Variants in MAGI2 observed in about 807,000 individuals in gnomAD.
MAGI2 encodes membrane associated guanylate kinase, WW and PDZ domain containing 2.
In MAGI2, 35 loss-of-function variants were observed where a neutral mutation model predicts 133.3. The ratio of observed to expected loss-of-function variants is 0.26; its 90% CI spans 0.20 to 0.35. MAGI2 has a LOEUF of 0.35. MAGI2 is among the 10% of genes least tolerant of loss of function. The pLI, the probability that MAGI2 is intolerant of heterozygous loss-of-function variation, is 1.00. For missense variants in MAGI2, 1,636 were observed against 1,863.4 expected (o/e 0.88, Z 2.25); for synonymous variants, 729 against 710.6 (o/e 1.03, Z -0.41).
chr7:78,882,447 A>T (rs1642892), intron 2 of MAGI2, among the ~76,000 whole-genome samples: 58 of 152,090 alleles, frequency 3.8e-4, no homozygotes, highest in African/African-American at 1.4e-3. Context: ...ACACAGAAAA[A>T]CTGGTACCAA....
chr7:79,011,452 G>A (rs1222828512), intron 1 of MAGI2, among the ~76,000 whole-genome samples: 1 of 152,124 alleles, frequency 6.6e-6, no homozygotes, highest in African/African-American at 2.4e-5. Context: ...TGTGCCAAGT[G>A]TCTGGTTGCT....
At chr7:78,965,938 A>G (rs1490094731) in intron 2 of MAGI2, among the ~76,000 whole-genome samples, 5 of 151,902 alleles carry the variant, frequency 3.3e-5, no homozygotes, top group African/African-American at 1.2e-4. Flanking sequence ...CTCATCCCTC[A>G]CCTTTGTTTT....
chr7:78,614,005 G>T (rs1301688619), intron 3 of MAGI2, among the ~76,000 whole-genome samples: 1 of 152,056 alleles, frequency 6.6e-6, no homozygotes, highest in African/African-American at 2.4e-5. Context: ...GGCTACATGG[G>T]AGCCTGAGGT....
At chr7:78,555,233 G>C (rs1306677104) in intron 3 of MAGI2, among the ~76,000 whole-genome samples, 2 of 151,876 alleles carry the variant, frequency 1.3e-5, no homozygotes, top group African/African-American at 4.8e-5. Flanking sequence ...CAGATAGATA[G>C]ATAGATAGAT....
intron 10 of MAGI2, among the ~76,000 whole-genome samples, chr7:78,214,238 A>T (rs1788050331): frequency 6.6e-6 from 1 of 152,194 alleles, no homozygotes; most frequent in African/African-American, 2.4e-5. Context: ...TCCTTTTTAA[A>T]TATTACATCT....
At chr7:78,123,155 C>T (rs928988458) in intron 20 of MAGI2, among the ~76,000 whole-genome samples, 3 of 152,104 alleles carry the variant, frequency 2.0e-5, no homozygotes, top group Admixed American at 6.6e-5. Context: ...TTATTTTCTG[C>T]ATTCACAGAT....
At chr7:78,353,661 A>C (rs1791754020) in intron 7 of MAGI2, among the ~76,000 whole-genome samples, 1 of 152,240 alleles carries the variant, frequency 6.6e-6, no homozygotes, top group South Asian at 2.1e-4. Context: ...AGAGACATGT[A>C]AACAGACTGT....
At chr7:78,168,158 CTT>C (rs113437537) in intron 14 of MAGI2, 50 bp from the exon 15 acceptor site, 8,537 of 1,245,322 alleles carry the variant, frequency 6.9e-3, no homozygotes, top group East Asian at 0.017. Context: ...ATCCTTTTTC[CTT>C]TTTTTTTTTT....
chr7:79,047,242 T>G (rs1584783704), intron 1 of MAGI2, among the ~76,000 whole-genome samples: 1 of 152,218 alleles, frequency 6.6e-6, no homozygotes, highest in East Asian at 1.9e-4. Context: ...ATCAAACCAT[T>G]AAAACATGAA....
At chr7:79,412,441 G>A (rs183943655) in intron 1 of MAGI2, 5 of 152,198 alleles carry the variant, frequency 3.3e-5, no homozygotes, top group African/African-American at 1.2e-4. Context: ...GAAATGTAGG[G>A]CTATATTTTG....
chr7:79,375,336 G>A (rs548668952), intron 1 of MAGI2, among the ~76,000 whole-genome samples: 53 of 152,056 alleles, frequency 3.5e-4, no homozygotes, highest in South Asian at 2.1e-3. Flanking sequence ...GGAGTTCATT[G>A]AGCAAGGCAT....
intron 6 of MAGI2, chr7:78,486,911 C>T (rs1243448473): frequency 2.7e-5 from 14 of 518,050 alleles, no homozygotes; most frequent in Admixed American, 2.0e-4. Context: ...GGGCCAGGAA[C>T]GTACCCAAAT....
At chr7:78,380,513 T>C (rs1794824692) in intron 6 of MAGI2, among the ~76,000 whole-genome samples, 1 of 152,154 alleles carries the variant, frequency 6.6e-6, no homozygotes, top group African/African-American at 2.4e-5. Flanking sequence ...AAATGTCACA[T>C]GTTCTCACCC....
rs1817575037 is a variant in MAGI2, at chr7:78,095,060, C to T, written c.3568-15975G>A. On this transcript the variant is annotated intron_variant, in intron 20 of 21. Coordinates refer to ENST00000354212, the MANE Select transcript of MAGI2 (RefSeq NM_012301.4). ...TTGCTGGTGGCAAGTCTGCTCTCTTCTTTTTGCTGGTGTTCTCTGTATGGC... is the reference window on the plus strand; with the variant it reads ...TTGCTGGTGGCAAGTCTGCTCTCTTTTTTTTGCTGGTGTTCTCTGTATGGC... Among the ~76,000 whole-genome samples the T allele has an allele frequency of 2.6e-5, 4 of 152,140 alleles. No homozygotes were observed. In the South Asian group the frequency reaches 6.2e-4, roughly 24 times the overall value.
intron 5 of MAGI2, among the ~76,000 whole-genome samples, chr7:78,501,010 C>G (rs188811206): frequency 3.3e-5 from 5 of 152,300 alleles, no homozygotes; most frequent in East Asian, 1.9e-4. Context: ...ACTGCTTAAG[C>G]CTTGGAGGTT....
chr7:78,493,614 GT>G (rs1161034370), intron 5 of MAGI2, among the ~76,000 whole-genome samples: 1 of 142,248 alleles, frequency 7.0e-6, no homozygotes, highest in Non-Finnish European at 1.6e-5. Flanking sequence ...GATATATCTG[GT>G]TTCCAGGTAC....
At chr7:78,459,706 G>T (rs1403654843) in intron 6 of MAGI2, among the ~76,000 whole-genome samples, 1 of 152,188 alleles carries the variant, frequency 6.6e-6, no homozygotes, top group African/African-American at 2.4e-5. Context: ...CAGCTATGCT[G>T]TATGCAATCA....
intron 1 of MAGI2, among the ~76,000 whole-genome samples, chr7:79,211,445 TTTTC>T: frequency 6.6e-6 from 1 of 151,138 alleles, no homozygotes; most frequent in Non-Finnish European, 1.5e-5. Context: ...CGGCTAATTA[TTTTC>T]TTTCTTTTTC....
At chr7:78,290,084 G>T (rs891214430) in intron 9 of MAGI2, among the ~76,000 whole-genome samples, 1 of 152,122 alleles carries the variant, frequency 6.6e-6, no homozygotes, top group South Asian at 2.1e-4. Context: ...ATAATGACAG[G>T]ATCAAATTCA....
Sources: allele counts gnomAD v4.1 joint callset (sites outside exome capture counted in the v4.1 genomes callset), GRCh38; gene constraint gnomAD v4.1.1; transcripts MANE v1.5; gene names NCBI Gene and HGNC (gene_info 2026-07-23, HGNC 2026-07-21).